Variants in ZNF331 observed in about 807,000 individuals in gnomAD.
ZNF331 encodes C2H2-like zinc finger protein rearranged in thyroid adenomas.
ZNF331 carries 2 observed loss-of-function variants against 7.0 expected under a neutral mutation model. The observed-to-expected ratio is 0.29, with a 90% CI of 0.12 to 0.90. The LOEUF (loss-of-function observed/expected upper bound fraction) is 0.90. Among genes scored for constraint, ZNF331 ranks in the 40% least tolerant of loss-of-function variants. The probability of loss-of-function intolerance (pLI) is 0.58; values close to 1 mark genes in which losing one functional copy is unlikely to be tolerated. For missense variants in ZNF331, 432 were observed against 587.7 expected, an observed-to-expected ratio of 0.74 and a Z score of 2.74; for synonymous variants, 196 against 205.4, an observed-to-expected ratio of 0.95 and a Z score of 0.39.
chr19:53,548,655 G>A (rs914906170), intron 2 of ZNF331, among the ~76,000 whole-genome samples: 19 of 152,118 alleles, frequency 1.2e-4, no homozygotes, highest in Non-Finnish European at 2.9e-5. Flanking sequence ...CTGTGTGGGA[G>A]ATTTTTAGTT....
At chr19:53,576,508 A>G (rs932954862) in intron 5 of ZNF331, among the ~76,000 whole-genome samples, 189 bp from the exon 6 acceptor site, 9 of 152,320 alleles carry the variant, frequency 5.9e-5, no homozygotes, top group African/African-American at 1.9e-4. Flanking sequence ...TTTAAAATAG[A>G]TGTCTCCAAT....
chr19:53,506,313 C>T, the ZNF331 span, among the ~76,000 whole-genome samples: 10 of 99,184 alleles, frequency 1.0e-4, no homozygotes, highest in African/African-American at 3.0e-4. Context: ...CCAGCCTGGG[C>T]GACAGAGCGA....
At chr19:53,534,058 T>C (rs1458993749), upstream of ZNF331, among the ~76,000 whole-genome samples, 4 of 152,140 alleles carry the variant, frequency 2.6e-5, no homozygotes, top group Non-Finnish European at 5.9e-5. Context: ...ATAGCAGCTG[T>C]TATAGCAGCC....
At chr19:53,526,586 C>T (rs1040680165) in intron 2 of ZNF331, among the ~76,000 whole-genome samples, 1 of 151,264 alleles carries the variant, frequency 6.6e-6, no homozygotes, top group Non-Finnish European at 1.5e-5. Flanking sequence ...CGGAGTCTCG[C>T]CCTGTCACCA....
At chr19:53,569,224 A>T in intron 3 of ZNF331, 80 bp from the exon 4 acceptor site, 1 of 719,240 alleles carries the variant, frequency 1.4e-6, no homozygotes, top group Non-Finnish European at 2.4e-6. Context: ...AAGCCAAGAC[A>T]GAGGAGCCAA....
Position 53,580,167 on chromosome 19 carries a change from C to T in ZNF331, c.*2215C>T, listed in dbSNP as rs919678270. The T allele has an allele frequency of 9.0e-5, 18 of 200,874 alleles. No homozygotes were observed. Among genetic ancestry groups the T allele is most frequent in the African/African-American group, 3.9e-4 (17 of 43,530 alleles). 12.4% of individuals were successfully genotyped at this position (200,874 alleles called of 1,614,324 possible). A position where few individuals can be genotyped will look rare whatever the true frequency, so the allele number is the denominator to read the frequency against. ...ATATGTTAATTAGCTTGATTTAATC[C>T]TTCCACATTGTATACATGTATCAGA... On this transcript the variant is annotated 3_prime_UTR_variant, in exon 6 of 6. Coordinates refer to ENST00000449416, the MANE Select transcript of ZNF331 (RefSeq NM_001079906.2).
chr19:53,506,430 C>CTCTCTCTCTCTG, the ZNF331 span, among the ~76,000 whole-genome samples: 1 of 94,250 alleles, frequency 1.1e-5, no homozygotes, highest in African/African-American at 5.5e-5. Context: ...CTCTCTCTCT[C>CTCTCTCTCTCTG]TCTCTCTCTC....
chr19:53,551,735 C>T (rs2089024580), intron 2 of ZNF331, among the ~76,000 whole-genome samples: 1 of 152,092 alleles, frequency 6.6e-6, no homozygotes, highest in African/African-American at 2.4e-5. Context: ...TCTCATTATT[C>T]TAAACCATAC....
intron 2 of ZNF331, among the ~76,000 whole-genome samples, chr19:53,541,149 C>T (rs944974879): frequency 8.2e-5 from 12 of 146,702 alleles, no homozygotes; most frequent in Non-Finnish European, 1.8e-4. Context: ...CTCTTGTTGC[C>T]CAGGCTGGAG....
At chr19:53,557,823 G>GCA (rs1471234793) in intron 3 of ZNF331, among the ~76,000 whole-genome samples, 1 of 152,194 alleles carries the variant, frequency 6.6e-6, no homozygotes, top group East Asian at 1.9e-4. Context: ...AATTAGCTGG[G>GCA]TGTGGTGGCG....
chr19:53,519,726 G>C (rs1008636452), upstream of ZNF331, among the ~76,000 whole-genome samples: 1 of 152,182 alleles, frequency 6.6e-6, no homozygotes, highest in Non-Finnish European at 1.5e-5. Flanking sequence ...GAAACGCAAA[G>C]TCCTGCCCTT....
At position 53,557,317 on chromosome 19, in the gene ZNF331, T is replaced by C. The variant is rs532908788; in HGVS notation, c.-74+1409T>C. Among the ~76,000 whole-genome samples the C allele has an allele frequency of 4.1e-4, 63 of 152,250 alleles. No individual in the cohort carries two copies. In the Middle Eastern group the frequency reaches 0.017, roughly 41 times the overall value. ...TGGAAGCCTGAGACCAGGGTGCCAG[T>C]GCAAGCAGCTTCCGGTGAGGCCTTC... On this transcript the variant is annotated intron_variant, in intron 3 of 5. Transcript: ENST00000449416.
At chr19:53,513,869 C>A in the ZNF331 span, among the ~76,000 whole-genome samples, 1 of 152,156 alleles carries the variant, frequency 6.6e-6, no homozygotes, top group African/African-American at 2.4e-5. Context: ...CTTGGCCTTC[C>A]AAAGTGCTGG....
the ZNF331 span, among the ~76,000 whole-genome samples, chr19:53,507,369 A>G: frequency 6.6e-6 from 1 of 152,016 alleles, no homozygotes; most frequent in African/African-American, 2.4e-5. Flanking sequence ...CAATTTTGAG[A>G]TGGGTTAGTC....
chr19:53,503,352 T>G, the ZNF331 span: 2 of 414,718 alleles, frequency 4.8e-6, no homozygotes, highest in Admixed American at 3.6e-5. Context: ...CAGGATCCTG[T>G]GTCTCTGAAG....
In ZNF331 at chr19:53,571,300, G is replaced by A. The variant is rs530897864; in HGVS notation, c.10-304G>A. Among the ~76,000 whole-genome samples the A allele has an allele frequency of 4.6e-5, 7 of 152,304 alleles. No individual in the cohort carries two copies. In the South Asian group the frequency reaches 6.2e-4, roughly 14 times the overall value. Reference sequence around the variant, plus strand: ...TGTTGAGAACTTATAAGGCAGGCACGTAGCAGACACTGCTTGTAAGCAAGA... The same window carrying A: ...TGTTGAGAACTTATAAGGCAGGCACATAGCAGACACTGCTTGTAAGCAAGA... On this transcript the variant is annotated intron_variant, in intron 4 of 5. Transcript: ENST00000449416. The surrounding 1 kb of genome is among the most constrained non-coding windows in gnomAD (Gnocchi z 4.7).
In ZNF331 at chr19:53,577,373, C is replaced by T. The variant is rs201448146; in HGVS notation, c.813C>T (p.Tyr271=). 6.6e-5 allele frequency: 107 copies of T among 1,613,040 alleles called. No homozygotes were observed. Among genetic ancestry groups the T allele is most frequent in the African/African-American group, 8.0e-5 (6 of 74,564 alleles). The change falls in exon 6 of 6, where the codon TAC becomes TAT. Residue 271 remains tyrosine, a synonymous_variant. Transcript: ENST00000449416. ...HKRIHSGEKP[Y]ECKDCGKAFI... ...GAATTCATAGTGGGGAGAAGCCTTA[C>T]GAGTGTAAAGACTGTGGGAAGGCTT...
At position 53,577,892 on chromosome 19, in the gene ZNF331, CGGGAAGGCAT is replaced by C; in HGVS notation, c.1334_1343del (p.Gly445ValfsTer4). 1 of 1,613,002 alleles carries C rather than the reference CGGGAAGGCAT, an allele frequency of 6.2e-7. No homozygotes were observed. Among genetic ancestry groups the C allele is most frequent in the South Asian group, 1.1e-5 (1 of 91,020 alleles). On this transcript the variant is annotated frameshift_variant, in exon 6 of 6. Transcript: ENST00000449416. LOFTEE classifies it low-confidence loss of function (END_TRUNC). ...CGAAATCCTACGAATGTAAGGAGTG[CGGGAAGGCAT>C]GTAACCACCTAAACCATCTCCGAGA...
At chr19:53,506,462 CTCTCTCTCTCTCTCTCTCTGTCTG>C in the ZNF331 span, among the ~76,000 whole-genome samples, 10 of 137,318 alleles carry the variant, frequency 7.3e-5, no homozygotes, top group Non-Finnish European at 1.1e-4. Flanking sequence ...CTCTCTCTCT[CTCTCTCTCTCTCTCTCTCTGTCTG>C]TCTCTCTCTC....
Sources: allele counts gnomAD v4.1 joint callset (sites outside exome capture counted in the v4.1 genomes callset), GRCh38; gene constraint gnomAD v4.1.1; non-coding constraint Gnocchi (gnomAD v3.1); transcripts MANE v1.5; gene names NCBI Gene and HGNC (gene_info 2026-07-23, HGNC 2026-07-21).